Variants in TAFA1 observed in about 807,000 individuals in gnomAD.
TAFA1 encodes chemokine-like protein TAFA-1.
Under a neutral mutation model 18.5 loss-of-function variants are expected in TAFA1, and 4 were observed. That is an observed-to-expected ratio of 0.22 (90% CI 0.11 to 0.49). TAFA1 has a LOEUF of 0.49. Among genes scored for constraint, TAFA1 ranks in the 20% least tolerant of loss-of-function variants. The probability of loss-of-function intolerance (pLI) is 0.98; values close to 1 mark genes in which losing one functional copy is unlikely to be tolerated. For missense variants in TAFA1, 147 were observed against 169.0 expected, an observed-to-expected ratio of 0.87 and a Z score of 0.72; for synonymous variants, 56 against 55.2, an observed-to-expected ratio of 1.01 and a Z score of -0.06.
At chr3:68,502,991 T>A (rs2072683178) in intron 3 of TAFA1, among the ~76,000 whole-genome samples, 1 of 152,168 alleles carries the variant, frequency 6.6e-6, no homozygotes, top group African/African-American at 2.4e-5. Context: ...TGGAATATTA[T>A]TCTGCCATAA....
At chr3:68,418,884 G>A (rs149978944) in intron 3 of TAFA1, among the ~76,000 whole-genome samples, 292 of 152,168 alleles carry the variant, frequency 1.9e-3, no homozygotes, top group Non-Finnish European at 3.1e-3. Context: ...CCAAAACTTA[G>A]CAGCTTAAAA....
intron 2 of TAFA1, among the ~76,000 whole-genome samples, chr3:68,370,365 CACATATATATATACACATATATAT>C (rs2069665475): frequency 3.1e-5 from 2 of 64,176 alleles, no homozygotes; most frequent in African/African-American, 6.1e-5. Flanking sequence ...CACACACACA[CACATATATATATACACATATATAT>C]ACACACATAT....
chr3:68,289,865 G>A (rs1373290082), intron 2 of TAFA1, among the ~76,000 whole-genome samples: 1 of 152,200 alleles, frequency 6.6e-6, no homozygotes, highest in Non-Finnish European at 1.5e-5. Context: ...TCTGTTTGCT[G>A]AGGTTAATTT....
intron 2 of TAFA1, among the ~76,000 whole-genome samples, chr3:68,384,587 A>G (rs1176938851): frequency 6.6e-6 from 1 of 152,146 alleles, no homozygotes. Flanking sequence ...ACTTACAATT[A>G]TGTGATTGAT....
At chr3:68,183,112 G>A (rs959099274) in intron 2 of TAFA1, among the ~76,000 whole-genome samples, 1 of 152,240 alleles carries the variant, frequency 6.6e-6, no homozygotes, top group South Asian at 2.1e-4. Flanking sequence ...TAGTATACCT[G>A]CCCCATCGCT....
At chr3:68,361,681 C>T (rs546568232) in intron 2 of TAFA1, among the ~76,000 whole-genome samples, 2 of 150,982 alleles carry the variant, frequency 1.3e-5, no homozygotes, top group African/African-American at 4.9e-5. Context: ...TAAACTGTAA[C>T]CCAACAGAAC....
chr3:68,078,756 A>G (rs1488996782), intron 2 of TAFA1, among the ~76,000 whole-genome samples: 1 of 152,190 alleles, frequency 6.6e-6, no homozygotes, highest in African/African-American at 2.4e-5. Context: ...CATCAAGGAC[A>G]TTGGTCTAAA....
At position 68,038,008 on chromosome 3, in the gene TAFA1, G is replaced by T. The variant is rs182685645; in HGVS notation, c.118+31264G>T. On this transcript the variant is annotated intron_variant, in intron 2 of 4. Transcript: ENST00000478136. Reference sequence around the variant, plus strand: ...CCATAGATTGCATAAAAGCCTGATGGTATTTAAATTATTATATTATAAATG... The same window carrying T: ...CCATAGATTGCATAAAAGCCTGATGTTATTTAAATTATTATATTATAAATG... Among the ~76,000 whole-genome samples the T allele has an allele frequency of 5.3e-5, 8 of 152,278 alleles. No individual in the cohort carries two copies. The East Asian group carries it at 1.5e-3, about 29-fold the overall frequency.
intron 4 of TAFA1, among the ~76,000 whole-genome samples, chr3:68,539,485 A>C (rs2073332956): frequency 6.6e-6 from 1 of 151,860 alleles, no homozygotes; most frequent in South Asian, 2.1e-4. Flanking sequence ...CTAGATATTA[A>C]CCCTGTAGTT....
intron 3 of TAFA1, among the ~76,000 whole-genome samples, chr3:68,475,829 C>G (rs2072083686): frequency 6.6e-6 from 1 of 152,112 alleles, no homozygotes; most frequent in South Asian, 2.1e-4. Flanking sequence ...CTGTTGTTTC[C>G]TGACTTTTTA....
chr3:68,443,906 A>C (rs2071430746), intron 3 of TAFA1, among the ~76,000 whole-genome samples: 1 of 152,152 alleles, frequency 6.6e-6, no homozygotes, highest in East Asian at 1.9e-4. Flanking sequence ...TTGTGTCAGG[A>C]GCAGAATAAC....
intron 2 of TAFA1, among the ~76,000 whole-genome samples, chr3:68,029,777 C>G (rs775769665): frequency 6.6e-6 from 1 of 152,188 alleles, no homozygotes; most frequent in Non-Finnish European, 1.5e-5. Flanking sequence ...TGAATGCCCT[C>G]AGGAGCTAAG....
chr3:68,270,631 G>C (rs975427492), intron 2 of TAFA1, among the ~76,000 whole-genome samples: 7 of 152,084 alleles, frequency 4.6e-5, no homozygotes, highest in African/African-American at 1.7e-4. Context: ...CTACCAAAAG[G>C]CTCTTCCAAA....
chr3:68,491,355 A>G (rs1343857825), intron 3 of TAFA1, among the ~76,000 whole-genome samples: 1 of 152,176 alleles, frequency 6.6e-6, no homozygotes, highest in Non-Finnish European at 1.5e-5. Flanking sequence ...AATACTATGT[A>G]GCCATAAAAA....
chr3:68,399,947 C>G (rs1289958534), intron 2 of TAFA1, among the ~76,000 whole-genome samples: 2 of 152,148 alleles, frequency 1.3e-5, no homozygotes, highest in East Asian at 3.9e-4. Flanking sequence ...AGCTCAATCT[C>G]GACTCACACA....
At chr3:68,501,484 A>C (rs2668174) in intron 3 of TAFA1, among the ~76,000 whole-genome samples, 30,851 of 152,192 alleles carry the variant, frequency 0.2, 3,226 homozygotes, top group Middle Eastern at 0.24. Context: ...AAATAATCAT[A>C]CTTATAAAAT....
chr3:68,432,103 T>C (rs1414428044), intron 3 of TAFA1, among the ~76,000 whole-genome samples: 2 of 151,974 alleles, frequency 1.3e-5, no homozygotes, highest in African/African-American at 4.8e-5. Context: ...GCCAAGGTCA[T>C]CTAGCTATTT....
chr3:68,275,561 C>T (rs1311410390), intron 2 of TAFA1, among the ~76,000 whole-genome samples: 2 of 147,258 alleles, frequency 1.4e-5, no homozygotes, highest in Non-Finnish European at 3.0e-5. Context: ...AAACACTAAA[C>T]AGGTATGCAA....
intron 2 of TAFA1, among the ~76,000 whole-genome samples, chr3:68,294,147 A>G (rs909203573): frequency 6.6e-6 from 1 of 152,198 alleles, no homozygotes; most frequent in African/African-American, 2.4e-5. Flanking sequence ...AACAACAATA[A>G]TTCAAAATTT....
Sources: gnomAD v4.1 joint callset for allele counts (sites outside exome capture counted in the v4.1 genomes callset) on GRCh38, gnomAD v4.1.1 for gene constraint, MANE v1.5 for transcripts, NCBI Gene and HGNC (gene_info 2026-07-23, HGNC 2026-07-21) for gene names.